The following TTC28 variants were observed in gnomAD, a reference collection of about 807,000 sequenced individuals.
The protein encoded by TTC28 is tetratricopeptide repeat protein 28.
Under a neutral mutation model 198.0 loss-of-function variants are expected in TTC28, and 61 were observed. The observed-to-expected ratio is 0.31, with a 90% CI of 0.25 to 0.38. The LOEUF is 0.38. TTC28 is among the 10% of genes least tolerant of loss of function. The pLI is 1.00. For synonymous variants in TTC28, 1,171 were observed against 1,297.8 expected, an observed-to-expected ratio of 0.90 and a Z score of 2.10; for missense variants, 2,678 against 3,164.0, an observed-to-expected ratio of 0.85 and a Z score of 3.69.
chr22:28,347,081 G>A (rs1336740175), intron 2 of TTC28, among the ~76,000 whole-genome samples: 1 of 151,934 alleles, frequency 6.6e-6, no homozygotes, highest in Non-Finnish European at 1.5e-5. Context: ...TGGCCAACAT[G>A]GTGAAATCCC....
intron 6 of TTC28, among the ~76,000 whole-genome samples, chr22:28,162,843 G>A (rs751506315): frequency 1.2e-4 from 18 of 152,164 alleles, no homozygotes; most frequent in Admixed American, 2.6e-4. Context: ...CCAGCTACTC[G>A]GGAGGCTGAG....
rs1482355820 is a variant in TTC28, at chr22:27,978,455, G to A, written c.*3766C>T. Reference sequence around the variant, plus strand: ...TCCAGCCTGAACTGAAATTATCAAGGCTACAGTTCTTCTTGTGGGTCTGCA... The same window carrying A: ...TCCAGCCTGAACTGAAATTATCAAGACTACAGTTCTTCTTGTGGGTCTGCA... On this transcript the variant is annotated 3_prime_UTR_variant, in exon 23 of 23. Coordinates refer to ENST00000397906, the MANE Select transcript of TTC28 (RefSeq NM_001145418.2). 1 of 152,252 alleles carries A rather than the reference G, an allele frequency of 6.6e-6. No individual in the cohort carries two copies. Among genetic ancestry groups the A allele is most frequent in the African/African-American group, 2.4e-5 (1 of 41,464 alleles). 9.4% of individuals were successfully genotyped at this position (152,252 alleles called of 1,614,324 possible). A position where few individuals can be genotyped will look rare whatever the true frequency, so the allele number is the denominator to read the frequency against.
chr22:28,498,323 CTTTG>C (rs879700279), intron 2 of TTC28, among the ~76,000 whole-genome samples: 6 of 152,142 alleles, frequency 3.9e-5, no homozygotes, highest in East Asian at 1.9e-4. Context: ...ATGCAGTTCA[CTTTG>C]TTTGTTTTCT....
At chr22:28,047,120 G>C (rs988114350) in intron 12 of TTC28, among the ~76,000 whole-genome samples, 1 of 152,184 alleles carries the variant, frequency 6.6e-6, no homozygotes, top group Admixed American at 6.5e-5. Flanking sequence ...GGAGAGGAGT[G>C]AGGGGGCACC....
chr22:28,116,842 T>C (rs1365052034), intron 6 of TTC28, among the ~76,000 whole-genome samples: 1 of 152,190 alleles, frequency 6.6e-6, no homozygotes, highest in Admixed American at 6.5e-5. Context: ...TGCGCTTTCC[T>C]GATTCAGGCC....
intron 12 of TTC28, among the ~76,000 whole-genome samples, chr22:28,042,790 T>C (rs553268485): frequency 6.6e-6 from 1 of 151,620 alleles, no homozygotes; most frequent in South Asian, 2.1e-4. Flanking sequence ...GGAGACATCC[T>C]ACTCTATGGG....
At chr22:28,441,516 T>C (rs913722757) in intron 2 of TTC28, among the ~76,000 whole-genome samples, 1 of 152,154 alleles carries the variant, frequency 6.6e-6, no homozygotes, top group Non-Finnish European at 1.5e-5. Context: ...TAAGAGATTC[T>C]TGACTTCAGG....
Position 28,053,297 on chromosome 22 carries a change from T to G in TTC28, c.3933-22931A>C, listed in dbSNP as rs1569109155. Among the ~76,000 whole-genome samples the G allele has an allele frequency of 2.6e-5, 4 of 152,338 alleles. No homozygotes were observed. In the South Asian group the frequency reaches 8.3e-4, roughly 32 times the overall value. On this transcript the variant is annotated intron_variant, in intron 12 of 22. Transcript: ENST00000397906. ...CACAGAATCTACATGATTCAAATTA[T>G]TCTGTTGGTGGTTTATGTATTTTTT...
chr22:28,285,013 A>G (rs966495271), intron 5 of TTC28, among the ~76,000 whole-genome samples: 3 of 152,248 alleles, frequency 2.0e-5, no homozygotes, highest in Non-Finnish European at 4.4e-5. Flanking sequence ...AAAGCAAATG[A>G]AATCAATGTC....
At chr22:28,268,754 C>T (rs1282318654) in intron 5 of TTC28, among the ~76,000 whole-genome samples, 1 of 152,090 alleles carries the variant, frequency 6.6e-6, no homozygotes, top group Non-Finnish European at 1.5e-5. Flanking sequence ...GTTGTTGTTC[C>T]TCATCTAGAC....
At chr22:28,126,108 A>G (rs1364044619) in intron 6 of TTC28, among the ~76,000 whole-genome samples, 1 of 152,228 alleles carries the variant, frequency 6.6e-6, no homozygotes, top group Admixed American at 6.5e-5. Context: ...GGAGAGGACT[A>G]AAAGAGAATG....
At chr22:28,293,121 C>T (rs1018658786) in intron 5 of TTC28, among the ~76,000 whole-genome samples, 2 of 152,144 alleles carry the variant, frequency 1.3e-5, no homozygotes, top group Non-Finnish European at 2.9e-5. Flanking sequence ...TAAGAAGCAG[C>T]ACTCAAAAAC....
chr22:28,644,959 CA>C (rs2051433607), intron 1 of TTC28, among the ~76,000 whole-genome samples: 3 of 151,954 alleles, frequency 2.0e-5, no homozygotes, highest in Non-Finnish European at 4.4e-5. Flanking sequence ...TCCTGGCTAA[CA>C]CAGTGAAACC....
At chr22:28,012,118 T>C (rs1431939436) in intron 14 of TTC28, among the ~76,000 whole-genome samples, 1 of 152,130 alleles carries the variant, frequency 6.6e-6, no homozygotes, top group South Asian at 2.1e-4. Context: ...CTGAAATGGT[T>C]TGCATGACAG....
intron 5 of TTC28, among the ~76,000 whole-genome samples, chr22:28,214,372 A>C (rs957065173): frequency 1.3e-5 from 2 of 152,342 alleles, no homozygotes; most frequent in Non-Finnish European, 2.9e-5. Context: ...AAATTTTTAC[A>C]ATCTACTCAT....
At chr22:28,376,679 C>T (rs981876350) in intron 2 of TTC28, among the ~76,000 whole-genome samples, 10 of 152,118 alleles carry the variant, frequency 6.6e-5, no homozygotes, top group Non-Finnish European at 1.0e-4. Context: ...GAAGGGGAAG[C>T]AAAGAAGAGC....
rs1355535279 is a variant in TTC28 at position 28,001,589 on chromosome 22, C to A, written c.4219-36G>T. ...AGCACGGAGAGGCTGACATGGGTGG[C>A]CCAGCAGGCAGGGGTTTCAGGCACC... On this transcript the variant is annotated intron_variant, in intron 14 of 22. Coordinates refer to ENST00000397906, the MANE Select transcript of TTC28 (RefSeq NM_001145418.2). 9.1e-6 allele frequency: 14 copies of A among 1,536,046 alleles called. No homozygotes were observed. In the African/African-American group the frequency reaches 1.4e-4, roughly 15 times the overall value.
At chr22:28,592,165 G>T (rs1487531366) in intron 2 of TTC28, among the ~76,000 whole-genome samples, 1 of 152,092 alleles carries the variant, frequency 6.6e-6, no homozygotes, top group Non-Finnish European at 1.5e-5. Flanking sequence ...GACCTGGAGA[G>T]ACAGGGTCTA....
chr22:28,620,733 C>A (rs2050981453), intron 2 of TTC28, among the ~76,000 whole-genome samples: 1 of 152,196 alleles, frequency 6.6e-6, no homozygotes, highest in South Asian at 2.1e-4. Flanking sequence ...GTTGTGCCTG[C>A]TGACTTTCTA....
Sources: allele counts gnomAD v4.1 joint callset (sites outside exome capture counted in the v4.1 genomes callset), GRCh38; gene constraint gnomAD v4.1.1; transcripts MANE v1.5; gene names NCBI Gene and HGNC (gene_info 2026-07-23, HGNC 2026-07-21).